The following MED27 variants were observed in gnomAD, a reference collection of about 807,000 sequenced individuals.
MED27 encodes mediator of RNA polymerase II transcription subunit 27.
Under a neutral mutation model 38.2 loss-of-function variants are expected in MED27, and 30 were observed. The observed-to-expected ratio is 0.79, with a 90% CI of 0.59 to 1.07. MED27 has a LOEUF of 1.07. MED27 is among the 50% of genes least tolerant of loss of function. The pLI, the probability that MED27 is intolerant of heterozygous loss-of-function variation, is 0.00. For missense variants in MED27, 289 were observed against 397.5 expected (o/e 0.73, Z 2.32); for synonymous variants, 122 against 153.5 (o/e 0.79, Z 1.52).
intron 6 of MED27, chr9:131,868,641 A>G (rs1838775224): frequency 1.0e-6 from 1 of 985,368 alleles, no homozygotes; most frequent in Non-Finnish European, 1.2e-6. Context: ...AGATGCACAT[A>G]GTGGGTGAGG....
At chr9:131,868,192 C>G (rs1838767932) in intron 6 of MED27, among the ~76,000 whole-genome samples, 1 of 152,172 alleles carries the variant, frequency 6.6e-6, no homozygotes, top group East Asian at 1.9e-4. Flanking sequence ...CTTATAGTAG[C>G]TATTATTAAT....
intron 2 of MED27, among the ~76,000 whole-genome samples, chr9:132,041,094 GAAATA>G (rs1204390381): frequency 6.6e-6 from 1 of 152,156 alleles, no homozygotes; most frequent in Admixed American, 6.5e-5. Context: ...CAAGAAAGAG[GAAATA>G]AAGTAAAGAG....
In MED27 at chr9:131,913,614, C is replaced by T. The variant is rs997697100; in HGVS notation, c.574-19622G>A. 1.3e-5 allele frequency among the ~76,000 whole-genome samples: 2 copies of T among 152,138 alleles called. No homozygotes were observed. The highest frequency in any genetic ancestry group is 2.9e-5 in the Non-Finnish European group (2 of 68,024). ...CTCCCTGTTTGAAAGGCCGTTTGTT[C>T]GGCTTACCACAGTTGCATCCCTCCC... On this transcript the variant is annotated intron_variant, in intron 4 of 7. Transcript: ENST00000292035. This position sits in a 1 kb window ranked among gnomAD's most constrained non-coding sequence, Gnocchi z 4.5.
intron 2 of MED27, among the ~76,000 whole-genome samples, chr9:132,016,447 C>A (rs1389292058): frequency 6.6e-6 from 1 of 152,166 alleles, no homozygotes; most frequent in South Asian, 2.1e-4. Context: ...TAATTTGGCT[C>A]TAACAACTCA....
chr9:132,029,117 A>G (rs1832892110), intron 2 of MED27, among the ~76,000 whole-genome samples: 1 of 152,094 alleles, frequency 6.6e-6, no homozygotes, highest in Admixed American at 6.5e-5. Context: ...CTTCTTTCCA[A>G]CTCCTATCAA....
intron 3 of MED27, among the ~76,000 whole-genome samples, chr9:132,008,964 G>A (rs1208081675): frequency 6.6e-6 from 1 of 152,178 alleles, no homozygotes; most frequent in African/African-American, 2.4e-5. Flanking sequence ...ATCCTTCACA[G>A]CCAGCAGCAG....
At chr9:132,004,601 C>T (rs1050672797) in intron 3 of MED27, among the ~76,000 whole-genome samples, 2 of 152,180 alleles carry the variant, frequency 1.3e-5, no homozygotes, top group Non-Finnish European at 2.9e-5. Context: ...ACCTCTAGAT[C>T]CAACCCTATC....
chr9:131,922,764 A>T (rs1176129625), intron 4 of MED27, among the ~76,000 whole-genome samples: 1 of 151,682 alleles, frequency 6.6e-6, no homozygotes, highest in Non-Finnish European at 1.5e-5. Flanking sequence ...CATTAGGTAT[A>T]TCTCCTAATG....
chr9:131,884,321 T>C (rs1839100036), intron 5 of MED27, among the ~76,000 whole-genome samples: 1 of 152,212 alleles, frequency 6.6e-6, no homozygotes, highest in Admixed American at 6.5e-5. Flanking sequence ...ATACAGCAAG[T>C]CACCTTGAGG....
chr9:131,936,970 T>A (rs947024949), intron 4 of MED27, among the ~76,000 whole-genome samples: 5 of 152,182 alleles, frequency 3.3e-5, no homozygotes, highest in Non-Finnish European at 5.9e-5. Context: ...TCCCCATCAG[T>A]CTCGCTTGCC....
intron 3 of MED27, among the ~76,000 whole-genome samples, chr9:131,954,596 A>G (rs1326169895): frequency 2.0e-5 from 3 of 152,176 alleles, no homozygotes; most frequent in Non-Finnish European, 2.9e-5. Context: ...GTTCTGGCAG[A>G]AACTCTTTTA....
At chr9:132,077,421 C>T (rs372578684) in intron 2 of MED27, 21 bp downstream of exon 2, 33 of 1,606,454 alleles carry the variant, frequency 2.1e-5, no homozygotes, top group Admixed American at 3.4e-5. Flanking sequence ...ATATTAGCTC[C>T]GTTTATTACA....
chr9:132,066,645 T>C (rs1833815964), intron 2 of MED27, among the ~76,000 whole-genome samples: 1 of 152,194 alleles, frequency 6.6e-6, no homozygotes, highest in Non-Finnish European at 1.5e-5. Context: ...TGTGGTGAGC[T>C]GGTGCCTCCC....
At chr9:132,004,159 G>A (rs1424685577) in intron 3 of MED27, among the ~76,000 whole-genome samples, 2 of 152,326 alleles carry the variant, frequency 1.3e-5, no homozygotes, top group East Asian at 3.9e-4. Context: ...TTCCGTCCCT[G>A]ACAGGCTACA....
intron 3 of MED27, among the ~76,000 whole-genome samples, chr9:132,009,583 A>T (rs931455219): frequency 6.6e-6 from 1 of 152,210 alleles, no homozygotes; most frequent in African/African-American, 2.4e-5. Flanking sequence ...AACGGCCAGC[A>T]CCAACTTGCC....
chr9:132,006,677 G>T (rs1832363981), intron 3 of MED27, among the ~76,000 whole-genome samples: 1 of 151,982 alleles, frequency 6.6e-6, no homozygotes, highest in Non-Finnish European at 1.5e-5. Context: ...CTTAAAAAAG[G>T]TCTCAAAATG....
chr9:131,882,793 C>G (rs1291827506), intron 6 of MED27, among the ~76,000 whole-genome samples: 1 of 152,198 alleles, frequency 6.6e-6, no homozygotes, highest in East Asian at 1.9e-4. Flanking sequence ...GTTTCCTGGC[C>G]ACAGCCCCCA....
At chr9:131,900,923 G>A (rs1228230175) in intron 4 of MED27, among the ~76,000 whole-genome samples, 3 of 151,104 alleles carry the variant, frequency 2.0e-5, no homozygotes, top group Non-Finnish European at 4.4e-5. Context: ...GAAAGAGAGA[G>A]GGAGAGGGAG....
intron 2 of MED27, among the ~76,000 whole-genome samples, chr9:132,014,879 A>AT: frequency 6.6e-6 from 1 of 152,278 alleles, no homozygotes; most frequent in East Asian, 1.9e-4. Context: ...AATTCGAGTG[A>AT]TTTTTACTTT....
Sources: gnomAD v4.1 joint callset for allele counts (sites outside exome capture counted in the v4.1 genomes callset) on GRCh38, gnomAD v4.1.1 for gene constraint, Gnocchi (gnomAD v3.1) non-coding constraint, MANE v1.5 for transcripts, NCBI Gene and HGNC (gene_info 2026-07-23, HGNC 2026-07-21) for gene names.